HTR7: variants seen among roughly 807,000 people sequenced by gnomAD.
HTR7 encodes the protein 5-HT-7.
HTR7 carries 16 observed loss-of-function variants against 34.0 expected under a neutral mutation model. The observed-to-expected ratio is 0.47, with a 90% CI of 0.32 to 0.71. HTR7 has a LOEUF of 0.71. Among genes scored for constraint, HTR7 ranks in the 30% least tolerant of loss-of-function variants. The pLI, the probability that HTR7 is intolerant of heterozygous loss-of-function variation, is 0.04. For synonymous variants in HTR7, 265 were observed against 260.2 expected, an observed-to-expected ratio of 1.02 and a Z score of -0.18; for missense variants, 504 against 625.5, an observed-to-expected ratio of 0.81 and a Z score of 2.07.
chr10:90,762,362 T>C (rs948985372), intron 1 of HTR7, among the ~76,000 whole-genome samples: 1 of 152,230 alleles, frequency 6.6e-6, no homozygotes, highest in African/African-American at 2.4e-5. Context: ...ATTGTGGTTC[T>C]GTTTATGTTT....
At chr10:90,758,697 A>C (rs1844879960) in intron 1 of HTR7, among the ~76,000 whole-genome samples, 1 of 152,186 alleles carries the variant, frequency 6.6e-6, no homozygotes. Context: ...GGAAAAAGCG[A>C]TATAGAATTA....
In HTR7 at chr10:90,857,799, G is replaced by C. The variant is rs1426309032; in HGVS notation, c.-128C>G. ...AGCCATGGGGCCCGCGCCGACCGCTGGGGGGCGCCTGGCTCTGTCTCGGAG... is the reference window on the plus strand; with the variant it reads ...AGCCATGGGGCCCGCGCCGACCGCTCGGGGGCGCCTGGCTCTGTCTCGGAG... On this transcript the variant is annotated 5_prime_UTR_variant, in exon 1 of 4. Transcript: ENST00000336152. This position sits in a 1 kb window ranked among gnomAD's most constrained non-coding sequence, Gnocchi z 6.5. The C allele has an allele frequency of 1.5e-5, 14 of 904,926 alleles. No homozygotes were observed. In the East Asian group the frequency reaches 2.1e-4, roughly 14 times the overall value. The allele number at this position is 904,926 out of a possible 1,614,324, so 56.1% of individuals were successfully genotyped here.
chr10:90,792,898 CA>C (rs138472923), intron 1 of HTR7, among the ~76,000 whole-genome samples: 189 of 151,330 alleles, frequency 1.2e-3, no homozygotes, highest in African/African-American at 4.4e-3. Flanking sequence ...AAATTAACGA[CA>C]AAAAAAATGA....
chr10:90,843,892 A>G (rs113052629), intron 1 of HTR7, among the ~76,000 whole-genome samples: 254 of 152,338 alleles, frequency 1.7e-3, no homozygotes, highest in African/African-American at 5.7e-3. Context: ...CAAAGAGAAG[A>G]ATGCTATTTT....
chr10:90,831,532 G>T (rs1846178183), intron 1 of HTR7, among the ~76,000 whole-genome samples: 1 of 152,172 alleles, frequency 6.6e-6, no homozygotes, highest in Non-Finnish European at 1.5e-5. Flanking sequence ...ATTGCAAAAA[G>T]CAAAACACAT....
At position 90,749,634 on chromosome 10, in the gene HTR7, T is replaced by C; in HGVS notation, c.540-40A>G. ...GAAAGATAACAGATGAACACCGTGA[T>C]CATAACTGGTCAACCAAGCAAGTCC... On this transcript the variant is annotated intron_variant, in intron 1 of 3. Coordinates refer to ENST00000336152, the MANE Select transcript of HTR7 (RefSeq NM_019859.4). The surrounding 1 kb of genome is among the most constrained non-coding windows in gnomAD (Gnocchi z 4.2). 1 of 1,551,884 alleles carries C rather than the reference T, an allele frequency of 6.4e-7. No homozygotes were observed. The highest frequency in any genetic ancestry group is 8.7e-7 in the Non-Finnish European group (1 of 1,146,630).
At chr10:90,808,825 C>A (rs181400343) in intron 1 of HTR7, among the ~76,000 whole-genome samples, 1 of 152,302 alleles carries the variant, frequency 6.6e-6, no homozygotes, top group East Asian at 1.9e-4. Context: ...TGCCACTTGA[C>A]CCCAATACAA....
rs149690641 is a variant in HTR7 at position 90,837,228 on chromosome 10, C to T, written c.539+19905G>A. Among the ~76,000 whole-genome samples, 319 of 152,310 alleles carry T rather than the reference C, an allele frequency of 2.1e-3. 1 individual carries two copies. Among genetic ancestry groups the T allele is most frequent in the African/African-American group, 7.2e-3 (301 of 41,562 alleles). On this transcript the variant is annotated intron_variant, in intron 1 of 3. Coordinates refer to ENST00000336152, the MANE Select transcript of HTR7 (RefSeq NM_019859.4). ...CTAGTAGAATATTCATTAATTTATC[C>T]ATCCATTCATTCAACTAAAATGTGT...
chr10:90,745,239 G>C (rs1844615291), intron 2 of HTR7, among the ~76,000 whole-genome samples: 1 of 152,184 alleles, frequency 6.6e-6, no homozygotes, highest in Admixed American at 6.5e-5. Context: ...AGAAATCCAA[G>C]ATTAAGCCAC....
At chr10:90,780,536 C>CAAA (rs57590024) in intron 1 of HTR7, among the ~76,000 whole-genome samples, 1,475 of 70,912 alleles carry the variant, frequency 0.021, 40 homozygotes, top group African/African-American at 0.068. Context: ...GACTCCATCT[C>CAAA]AAAAAAAAAA....
intron 2 of HTR7, among the ~76,000 whole-genome samples, chr10:90,747,636 G>A (rs1844661382): frequency 6.6e-6 from 1 of 152,154 alleles, no homozygotes; most frequent in Non-Finnish European, 1.5e-5. Flanking sequence ...AGCTAAGTGT[G>A]AGACATCTCA....
intron 1 of HTR7, among the ~76,000 whole-genome samples, chr10:90,813,046 G>A (rs1845840313): frequency 6.7e-6 from 1 of 150,110 alleles, no homozygotes; most frequent in African/African-American, 2.5e-5. Flanking sequence ...CTCCCCCACT[G>A]AGCACCTTGC....
intron 1 of HTR7, among the ~76,000 whole-genome samples, chr10:90,768,827 T>C (rs1054174985): frequency 6.6e-6 from 1 of 152,136 alleles, no homozygotes; most frequent in Non-Finnish European, 1.5e-5. Context: ...AGATCAAACA[T>C]AAAGAATAAA....
intron 1 of HTR7, among the ~76,000 whole-genome samples, chr10:90,758,344 CAAAA>C (rs58130009): frequency 1.9e-5 from 1 of 51,916 alleles, no homozygotes; most frequent in Non-Finnish European, 3.3e-5. Flanking sequence ...GGCTCTGTCT[CAAAA>C]AAAAAAAAAA....
chr10:90,828,515 GA>G (rs1304731131), intron 1 of HTR7, among the ~76,000 whole-genome samples: 2 of 152,006 alleles, frequency 1.3e-5, no homozygotes, highest in Non-Finnish European at 2.9e-5. Flanking sequence ...AGATGAAAAA[GA>G]AAGGCATTAT....
chr10:90,742,898 C>T (rs1272905932), intron 3 of HTR7, among the ~76,000 whole-genome samples: 1 of 152,172 alleles, frequency 6.6e-6, no homozygotes, highest in African/African-American at 2.4e-5. Context: ...ACCAATGAGA[C>T]GTGCTCTCTC....
chr10:90,748,454 GGA>G, intron 2 of HTR7, among the ~76,000 whole-genome samples: 1 of 152,298 alleles, frequency 6.6e-6, no homozygotes, highest in East Asian at 1.9e-4. Flanking sequence ...TATCTGTGAA[GGA>G]TGAGGTTATC....
At chr10:90,845,251 G>A (rs1047651612) in intron 1 of HTR7, among the ~76,000 whole-genome samples, 3 of 152,240 alleles carry the variant, frequency 2.0e-5, no homozygotes, top group African/African-American at 7.2e-5. Flanking sequence ...TTCTGATGTA[G>A]TGTTGAAAAG....
intron 1 of HTR7, among the ~76,000 whole-genome samples, chr10:90,762,111 CA>C (rs1383924820): frequency 6.6e-6 from 1 of 152,164 alleles, no homozygotes; most frequent in Non-Finnish European, 1.5e-5. Flanking sequence ...GATATCTCTT[CA>C]ACATACTAGC....
Sources: gnomAD v4.1 joint callset for allele counts (sites outside exome capture counted in the v4.1 genomes callset) on GRCh38, gnomAD v4.1.1 for gene constraint, Gnocchi (gnomAD v3.1) non-coding constraint, MANE v1.5 for transcripts, NCBI Gene and HGNC (gene_info 2026-07-23, HGNC 2026-07-21) for gene names.